Variants in MOXD1 observed in about 807,000 individuals in gnomAD.
MOXD1 encodes the protein DBH-like monooxygenase protein 1.
Under a neutral mutation model 66.6 loss-of-function variants are expected in MOXD1, and 62 were observed. The observed-to-expected ratio is 0.93, with a 90% CI of 0.76 to 1.15. MOXD1 has a LOEUF of 1.15. Ranked by LOEUF, MOXD1 falls within the 50% of genes most tolerant of loss-of-function variation. The probability of loss-of-function intolerance (pLI) is 0.00; values close to 1 mark genes in which losing one functional copy is unlikely to be tolerated. For synonymous variants in MOXD1, 303 were observed against 281.9 expected (o/e 1.07, Z -0.75); for missense variants, 847 against 754.6 (o/e 1.12, Z -1.44).
At chr6:132,312,586 A>G (rs939920933) in intron 10 of MOXD1, among the ~76,000 whole-genome samples, 7 of 148,768 alleles carry the variant, frequency 4.7e-5, no homozygotes, top group Non-Finnish European at 8.9e-5. Context: ...ATGAAGTTAA[A>G]TGGGTTTTGT....
chr6:132,399,986 T>C (rs993744664), intron 1 of MOXD1, among the ~76,000 whole-genome samples: 14 of 152,342 alleles, frequency 9.2e-5, no homozygotes, highest in Non-Finnish European at 1.6e-4. Flanking sequence ...ATTGGAGTTG[T>C]AAAGTTACTT....
chr6:132,366,140 T>C (rs1449637085), intron 4 of MOXD1, among the ~76,000 whole-genome samples: 1 of 151,920 alleles, frequency 6.6e-6, no homozygotes, highest in Non-Finnish European at 1.5e-5. Flanking sequence ...CCAAATAGAG[T>C]GTTGCAAAAT....
chr6:132,301,609 G>A (rs1774539466), intron 10 of MOXD1, among the ~76,000 whole-genome samples: 1 of 151,690 alleles, frequency 6.6e-6, no homozygotes, highest in African/African-American at 2.4e-5. Context: ...GAAGAGAGAT[G>A]GAAGATTTAA....
At chr6:132,387,783 G>C (rs1776683333) in intron 1 of MOXD1, among the ~76,000 whole-genome samples, 1 of 148,760 alleles carries the variant, frequency 6.7e-6, no homozygotes, top group South Asian at 2.2e-4. Flanking sequence ...AAAGAGTTTG[G>C]GTATAGGTTT....
At chr6:132,327,960 G>C (rs1371967253) in intron 6 of MOXD1, 53 bp downstream of exon 6, 1 of 1,436,720 alleles carries the variant, frequency 7.0e-7, no homozygotes, top group Admixed American at 1.7e-5. Context: ...GACTTACAAG[G>C]TACAAAACTT....
intron 1 of MOXD1, among the ~76,000 whole-genome samples, chr6:132,385,866 G>A (rs1157447332): frequency 6.6e-6 from 1 of 152,010 alleles, no homozygotes; most frequent in African/African-American, 2.4e-5. Flanking sequence ...CCCTCTGGGA[G>A]GCTGAGGCGG....
Position 132,381,597 on chromosome 6 carries a change from T to C in MOXD1, c.265-6820A>G, listed in dbSNP as rs560872346. The stretch of plus-strand genomic sequence containing the variant: ...GCACAGTCAGCAATAAAACCATCAG[T>C]CTTGAGATTCAGATTGGTTAAACTG... On this transcript the variant is annotated intron_variant, in intron 1 of 11. Coordinates refer to ENST00000367963, the MANE Select transcript of MOXD1 (RefSeq NM_015529.4). Among the ~76,000 whole-genome samples, 8 of 152,124 alleles carry C rather than the reference T, an allele frequency of 5.3e-5. No homozygotes were observed. In the East Asian group the frequency reaches 1.5e-3, roughly 29 times the overall value.
In MOXD1 at chr6:132,328,530, C is replaced by T; in HGVS notation, c.728G>A (p.Ser243Asn). 2.5e-6 allele frequency: 4 copies of T among 1,614,138 alleles called. No homozygotes were observed. Among genetic ancestry groups the T allele is most frequent in the Non-Finnish European group, 3.4e-6 (4 of 1,180,012 alleles). The change falls in exon 5 of 12, where the codon AGC (serine) becomes AAC (asparagine). Residue 243 changes from serine (S) to asparagine (N), a missense_variant. Ser to Asn is a conservative substitution (Grantham distance 46). Coordinates refer to ENST00000367963, the MANE Select transcript of MOXD1 (RefSeq NM_015529.4). ...CAGAACGCTGTCGTTAAAGTTGTTG[C>T]TGCACTGATAGAGCAGGATGTGGTG... ...LVHHILLYQC[S>N]NNFNDSVLES...
intron 4 of MOXD1, among the ~76,000 whole-genome samples, chr6:132,346,907 T>G (rs1385541901): frequency 6.6e-6 from 1 of 152,204 alleles, no homozygotes; most frequent in Non-Finnish European, 1.5e-5. Flanking sequence ...CCAACAAGCA[T>G]TTACTAAACG....
intron 9 of MOXD1, among the ~76,000 whole-genome samples, chr6:132,317,058 A>G (rs1774975642): frequency 6.6e-6 from 1 of 152,152 alleles, no homozygotes; most frequent in African/African-American, 2.4e-5. Context: ...CACATCATAT[A>G]TAGGTGAACA....
At chr6:132,359,530 A>C (rs1311950100) in intron 4 of MOXD1, among the ~76,000 whole-genome samples, 1 of 129,260 alleles carries the variant, frequency 7.7e-6, no homozygotes, top group Non-Finnish European at 1.5e-5. Context: ...TCTGTCGCCC[A>C]GGCTGGAGTG....
In MOXD1 at chr6:132,399,069, G is replaced by C. The variant is rs756462012; in HGVS notation, c.264+2094C>G. 2.6e-5 allele frequency among the ~76,000 whole-genome samples: 4 copies of C among 152,056 alleles called. No individual in the cohort carries two copies. In the South Asian group the frequency reaches 8.3e-4, roughly 32 times the overall value. ...AGGAGACTGAATTTCGAGCGTTGGA[G>C]AATGGAATCATTCAGCCTGAATAAT... On this transcript the variant is annotated intron_variant, in intron 1 of 11. Transcript: ENST00000367963.
rs1457776460 is a variant in MOXD1 at position 132,387,992 on chromosome 6, C to A, written c.264+13171G>T. 1.3e-5 allele frequency among the ~76,000 whole-genome samples: 2 copies of A among 151,162 alleles called. 1 individual carries two copies. The highest frequency in any genetic ancestry group is 3.0e-5 in the Non-Finnish European group (2 of 67,638). On this transcript the variant is annotated intron_variant, in intron 1 of 11. Transcript: ENST00000367963. ...TACTGAAACCATACTGGTCTCTAGT[C>A]ATTAATGATTACAAGGTGTTCACAA...
chr6:132,357,292 T>C (rs1299637698), intron 4 of MOXD1, among the ~76,000 whole-genome samples: 1 of 152,126 alleles, frequency 6.6e-6, no homozygotes, highest in Non-Finnish European at 1.5e-5. Flanking sequence ...TTCTATTTGC[T>C]ATATGAGTGG....
At chr6:132,332,935 C>G (rs1392536836) in intron 4 of MOXD1, among the ~76,000 whole-genome samples, 2 of 152,110 alleles carry the variant, frequency 1.3e-5, no homozygotes, top group Admixed American at 1.3e-4. Flanking sequence ...TGCATTAACC[C>G]GACTTTCTGA....
chr6:132,326,520 T>G (rs1483616474), intron 6 of MOXD1, among the ~76,000 whole-genome samples: 1 of 151,966 alleles, frequency 6.6e-6, no homozygotes, highest in Non-Finnish European at 1.5e-5. Flanking sequence ...TAATTTAAAA[T>G]CAAAAATGTA....
rs570683281 is a variant in MOXD1, at chr6:132,386,263, T to G, written c.265-11486A>C. 2.7e-3 allele frequency among the ~76,000 whole-genome samples: 321 copies of G among 119,724 alleles called. 12 individuals are homozygous for G. Among genetic ancestry groups the G allele is most frequent in the African/African-American group, 9.2e-3 (279 of 30,320 alleles). 78.5% of individuals were successfully genotyped at this position (119,724 alleles called of 152,430 possible). On this transcript the variant is annotated intron_variant, in intron 1 of 11. Transcript: ENST00000367963. Reference sequence around the variant, plus strand: ...TAAAAATACAAAAAATTAGCCGGGCTTCGTGGCGGGCGCCTGTAGTCCCAG... The same window carrying G: ...TAAAAATACAAAAAATTAGCCGGGCGTCGTGGCGGGCGCCTGTAGTCCCAG...
intron 4 of MOXD1, 90 bp downstream of exon 4, chr6:132,372,518 T>G (rs1424177174): frequency 3.2e-5 from 39 of 1,204,884 alleles, no homozygotes; most frequent in Non-Finnish European, 3.3e-5. Context: ...TTGAAAAACA[T>G]TTCTATACTT....
At chr6:132,380,677 A>G (rs1273178096) in intron 1 of MOXD1, among the ~76,000 whole-genome samples, 2 of 152,246 alleles carry the variant, frequency 1.3e-5, no homozygotes, top group African/African-American at 4.8e-5. Flanking sequence ...AGTTAATCTT[A>G]GTATTTCAGT....
Sources: allele counts gnomAD v4.1 joint callset (sites outside exome capture counted in the v4.1 genomes callset), GRCh38; gene constraint gnomAD v4.1.1; transcripts MANE v1.5; gene names NCBI Gene and HGNC (gene_info 2026-07-23, HGNC 2026-07-21).